ADAM22: variants seen among roughly 807,000 people sequenced by gnomAD.
ADAM22 encodes the protein ADAM metallopeptidase domain 22, also known as disintegrin and metalloproteinase domain-containing protein 22.
In ADAM22, 65 loss-of-function variants were observed where a neutral mutation model predicts 144.6. That is an observed-to-expected ratio of 0.45 (90% CI 0.37 to 0.55). The LOEUF (loss-of-function observed/expected upper bound fraction) is 0.55, where lower values mean the gene tolerates loss of function less well. Among genes scored for constraint, ADAM22 ranks in the 20% least tolerant of loss-of-function variants. The pLI, the probability that ADAM22 is intolerant of heterozygous loss-of-function variation, is 0.00. For synonymous variants in ADAM22, 391 were observed against 412.6 expected, an observed-to-expected ratio of 0.95 and a Z score of 0.63; for missense variants, 974 against 1,184.9, an observed-to-expected ratio of 0.82 and a Z score of 2.61.
At chr7:87,956,876 CAT>C (rs1319924136) in intron 2 of ADAM22, among the ~76,000 whole-genome samples, 1 of 152,138 alleles carries the variant, frequency 6.6e-6, no homozygotes, top group African/African-American at 2.4e-5. Context: ...GTGCCGTGAA[CAT>C]GTGTGTAAAA....
intron 2 of ADAM22, among the ~76,000 whole-genome samples, chr7:87,961,124 A>G (rs1263809086): frequency 6.6e-6 from 1 of 151,864 alleles, no homozygotes; most frequent in Non-Finnish European, 1.5e-5. Flanking sequence ...TGTAATTTCT[A>G]GTAGGGTAGT....
chr7:88,179,308 C>T (rs1190291037), intron 27 of ADAM22, among the ~76,000 whole-genome samples, 179 bp downstream of exon 27: 1 of 151,946 alleles, frequency 6.6e-6, no homozygotes, highest in Admixed American at 6.6e-5. Context: ...CAGGGTTTTT[C>T]AGTCTTGCTT....
chr7:88,099,382 A>C (rs1464583189), intron 4 of ADAM22, among the ~76,000 whole-genome samples: 1 of 152,188 alleles, frequency 6.6e-6, no homozygotes, highest in East Asian at 1.9e-4. Context: ...CCCAGAGGGT[A>C]ACAGAGGAAA....
At chr7:88,091,179 C>A (rs1819743595) in intron 4 of ADAM22, among the ~76,000 whole-genome samples, 1 of 152,062 alleles carries the variant, frequency 6.6e-6, no homozygotes, top group Non-Finnish European at 1.5e-5. Flanking sequence ...ATAACTGCCG[C>A]CAGTAATTTA....
chr7:88,133,045 C>T (rs1832179611), intron 12 of ADAM22, 94 bp downstream of exon 12: 16 of 1,107,638 alleles, frequency 1.4e-5, no homozygotes, highest in Non-Finnish European at 2.0e-5. Flanking sequence ...TCACATACTC[C>T]AGATGTTAGA....
chr7:87,934,821 C>T lies in ADAM22; in HGVS notation c.86-205C>T, dbSNP rs548912375. ...GGGAAAGGGGTGCCCTGCTTCTGGG[C>T]CCCGCTCCTGGTTGCTCTCGGATGA... On this transcript the variant is annotated intron_variant, in intron 1 of 31. Coordinates refer to ENST00000413139, the MANE Select transcript of ADAM22 (RefSeq NM_001324418.2). 210 of 721,862 alleles carry T rather than the reference C, an allele frequency of 2.9e-4. No individual in the cohort carries two copies. The African/African-American group carries it at 3.2e-3, about 11-fold the overall frequency. 44.7% of individuals were successfully genotyped at this position (721,862 alleles called of 1,614,324 possible).
At chr7:88,149,931 A>G (rs1326102122) in intron 18 of ADAM22, among the ~76,000 whole-genome samples, 1 of 152,144 alleles carries the variant, frequency 6.6e-6, no homozygotes, top group Non-Finnish European at 1.5e-5. Flanking sequence ...GCCTTGTTGA[A>G]CTGTCACACC....
chr7:87,956,019 G>A (rs551598918), intron 2 of ADAM22, among the ~76,000 whole-genome samples: 23 of 152,240 alleles, frequency 1.5e-4, no homozygotes, highest in African/African-American at 5.1e-4. Flanking sequence ...GATTTTCTAC[G>A]TGCCGTCTGT....
At chr7:87,975,767 C>T (rs1851761496) in intron 2 of ADAM22, among the ~76,000 whole-genome samples, 1 of 152,124 alleles carries the variant, frequency 6.6e-6, no homozygotes, top group South Asian at 2.1e-4. Context: ...TTGTGTTTTT[C>T]ACCACAAATT....
At chr7:87,942,890 C>T (rs1304712180) in intron 2 of ADAM22, among the ~76,000 whole-genome samples, 1 of 151,768 alleles carries the variant, frequency 6.6e-6, no homozygotes, top group Non-Finnish European at 1.5e-5. Flanking sequence ...TATTTTTCTC[C>T]AAAAGAAAAA....
intron 3 of ADAM22, among the ~76,000 whole-genome samples, chr7:88,065,046 A>G (rs534356101): frequency 2.0e-5 from 3 of 152,246 alleles, no homozygotes; most frequent in South Asian, 4.1e-4. Flanking sequence ...AAGATGTTTA[A>G]TACTTTTCTT....
In ADAM22 at chr7:88,198,507, T is replaced by C. The variant is rs1319492885; in HGVS notation, c.*2016T>C. 1 of 152,224 alleles carries C rather than the reference T, an allele frequency of 6.6e-6. No homozygotes were observed. Among genetic ancestry groups the C allele is most frequent in the Non-Finnish European group, 1.5e-5 (1 of 68,050 alleles). The allele number at this position is 152,224 out of a possible 1,614,324, so 9.4% of individuals were successfully genotyped here. On this transcript the variant is annotated 3_prime_UTR_variant, in exon 32 of 32. Transcript: ENST00000413139. Reference sequence around the variant, plus strand: ...AGAAGGGCAGACAGATTGAAAGATGTAGCAAATAAAGTGACTTTTTACCAA... The same window carrying C: ...AGAAGGGCAGACAGATTGAAAGATGCAGCAAATAAAGTGACTTTTTACCAA...
At chr7:88,005,516 G>C (rs1793600155) in intron 3 of ADAM22, among the ~76,000 whole-genome samples, 1 of 152,142 alleles carries the variant, frequency 6.6e-6, no homozygotes, top group Admixed American at 6.5e-5. Context: ...TTCTTGTGGA[G>C]GTTTGTATCA....
chr7:88,012,274 A>T (rs1039476970), intron 3 of ADAM22, among the ~76,000 whole-genome samples: 3 of 152,010 alleles, frequency 2.0e-5, no homozygotes, highest in Non-Finnish European at 4.4e-5. Flanking sequence ...TTTTCCACTA[A>T]AGCCTCTAAC....
chr7:88,108,068 G>A, intron 4 of ADAM22, 108 bp from the exon 5 acceptor site: 1 of 734,060 alleles, frequency 1.4e-6, no homozygotes, highest in East Asian at 2.7e-5. Context: ...GAAATATCAT[G>A]CAGAGTTCTA....
chr7:87,998,096 C>T (rs1179688855), intron 3 of ADAM22, among the ~76,000 whole-genome samples: 3 of 152,158 alleles, frequency 2.0e-5, no homozygotes, highest in Admixed American at 6.5e-5. Context: ...AAGCATCCAG[C>T]ACAGGAGGAA....
intron 3 of ADAM22, among the ~76,000 whole-genome samples, chr7:87,997,210 TA>T (rs1791447346): frequency 6.6e-6 from 1 of 152,200 alleles, no homozygotes; most frequent in Admixed American, 6.5e-5. Flanking sequence ...TGACCATATT[TA>T]AAAAACAGAA....
chr7:88,094,150 G>A (rs963523598), intron 4 of ADAM22, among the ~76,000 whole-genome samples: 5 of 152,128 alleles, frequency 3.3e-5, no homozygotes, highest in African/African-American at 7.2e-5. Flanking sequence ...TCCTTTAGTA[G>A]GAGAGACAGG....
intron 3 of ADAM22, among the ~76,000 whole-genome samples, chr7:87,993,218 A>C (rs377058001): frequency 2.6e-5 from 4 of 152,312 alleles, no homozygotes; most frequent in African/African-American, 9.6e-5. Context: ...CTGAAAAGAG[A>C]ACCCTCTAAC....
Sources: gnomAD v4.1 joint callset for allele counts (sites outside exome capture counted in the v4.1 genomes callset) on GRCh38, gnomAD v4.1.1 for gene constraint, MANE v1.5 for transcripts, NCBI Gene and HGNC (gene_info 2026-07-23, HGNC 2026-07-21) for gene names.